SMIM35: variants seen among roughly 807,000 people sequenced by gnomAD.
The protein encoded by SMIM35 is TMPRSS4 antisense RNA 1 (non-protein coding).
chr11:118,035,634 C>T (rs1466981437), intron 1 of SMIM35, among the ~76,000 whole-genome samples: 1 of 152,146 alleles, frequency 6.6e-6, no homozygotes, highest in Non-Finnish European at 1.5e-5. Context: ...GCCAGTCTGC[C>T]CTCCTCAGGT....
At chr11:118,037,900 G>A (rs1004479185) in intron 1 of SMIM35, among the ~76,000 whole-genome samples, 1 of 152,208 alleles carries the variant, frequency 6.6e-6, no homozygotes, top group African/African-American at 2.4e-5. Flanking sequence ...GGCACACCGA[G>A]TGGCTGCATT....
intron 1 of SMIM35, among the ~76,000 whole-genome samples, chr11:118,038,143 C>T (rs927912320): frequency 5.9e-5 from 9 of 152,154 alleles, no homozygotes; most frequent in South Asian, 2.1e-4. Context: ...AGTGAAAAGT[C>T]GTGTGTCAGA....
intron 1 of SMIM35, among the ~76,000 whole-genome samples, chr11:118,041,560 A>G (rs546057555): frequency 6.6e-6 from 1 of 152,350 alleles, no homozygotes; most frequent in East Asian, 1.9e-4. Flanking sequence ...TACGACCTAT[A>G]ACCAATGGAT....
intron 4 of SMIM35, among the ~76,000 whole-genome samples, chr11:118,007,879 T>C (rs1244100968): frequency 6.6e-6 from 1 of 151,784 alleles, no homozygotes; most frequent in African/African-American, 2.4e-5. Flanking sequence ...GCTTTCTTTT[T>C]TTTTTTTTCT....
At chr11:118,074,160 G>A (rs1292646736) in intron 1 of SMIM35, among the ~76,000 whole-genome samples, 2 of 152,180 alleles carry the variant, frequency 1.3e-5, no homozygotes, top group Non-Finnish European at 2.9e-5. Context: ...CATATTGCCG[G>A]GCCCTTTCCC....
intron 4 of SMIM35, among the ~76,000 whole-genome samples, chr11:118,010,629 C>G (rs1189792039): frequency 6.6e-6 from 1 of 152,202 alleles, no homozygotes; most frequent in Non-Finnish European, 1.5e-5. Context: ...GGTGTCAAGT[C>G]TCAAGCCCTG....
At chr11:118,036,965 G>A (rs1267177846) in intron 1 of SMIM35, among the ~76,000 whole-genome samples, 2 of 152,080 alleles carry the variant, frequency 1.3e-5, no homozygotes, top group African/African-American at 4.8e-5. Flanking sequence ...TGCCTAATTA[G>A]CATTTTAGTG....
At chr11:118,076,632 G>T (rs143575081) in intron 1 of SMIM35, among the ~76,000 whole-genome samples, 69 of 152,086 alleles carry the variant, frequency 4.5e-4, no homozygotes, top group Non-Finnish European at 7.9e-4. Context: ...CCAGGGAAAG[G>T]GGGTACATCT....
At chr11:118,060,350 A>T (rs1011950931) in intron 1 of SMIM35, among the ~76,000 whole-genome samples, 2 of 151,946 alleles carry the variant, frequency 1.3e-5, no homozygotes, top group Non-Finnish European at 2.9e-5. Context: ...ACCCACTCCC[A>T]CCTCCCCACA....
rs1198910735 is a variant in SMIM35 at position 118,048,594 on chromosome 11, G to GAAGC, written c.8-32789_8-32786dup. ...GGAAGGAAGGAAGGAAGGAAGGAAG[G>GAAGC]AAGCAAGGAAGCAAGGAAGCAAGGA... On this transcript the variant is annotated intron_variant, in intron 1 of 4. Coordinates refer to ENST00000689828, the MANE Select transcript of SMIM35 (RefSeq NM_001394165.1). Among the ~76,000 whole-genome samples, 8 of 130,006 alleles carry GAAGC rather than the reference G, an allele frequency of 6.2e-5. No homozygotes were observed. In the South Asian group the frequency reaches 1.8e-3, roughly 29 times the overall value. 85.3% of individuals were successfully genotyped at this position (130,006 alleles called of 152,430 possible). A position where few individuals can be genotyped will look rare whatever the true frequency, so the allele number is the denominator to read the frequency against.
chr11:118,064,019 T>C (rs1944431050), intron 1 of SMIM35, among the ~76,000 whole-genome samples: 1 of 152,182 alleles, frequency 6.6e-6, no homozygotes. Flanking sequence ...GATTTGTAAC[T>C]GGTGGGAAGG....
chr11:118,043,889 A>AG (rs1944047240), intron 1 of SMIM35, among the ~76,000 whole-genome samples: 1 of 151,410 alleles, frequency 6.6e-6, no homozygotes, highest in African/African-American at 2.4e-5. Flanking sequence ...TCTTAGCTAA[A>AG]GGGTATGGGT....
chr11:118,067,371 A>G (rs1944492104), intron 1 of SMIM35: 2 of 152,164 alleles, frequency 1.3e-5, no homozygotes, highest in South Asian at 2.1e-4. Flanking sequence ...TTCAGCATCA[A>G]TATGGTGACC....
intron 4 of SMIM35, among the ~76,000 whole-genome samples, chr11:118,007,428 G>A (rs1170365832): frequency 6.6e-6 from 1 of 151,896 alleles, no homozygotes; most frequent in Admixed American, 6.6e-5. Flanking sequence ...ACTGAGACTC[G>A]CTCTGTTGCC....
chr11:118,061,751 C>T (rs1455464309), intron 1 of SMIM35, among the ~76,000 whole-genome samples: 7 of 152,076 alleles, frequency 4.6e-5, no homozygotes, highest in Non-Finnish European at 8.8e-5. Context: ...CACCCAGGAC[C>T]GCTCTTTGGT....
intron 4 of SMIM35, among the ~76,000 whole-genome samples, chr11:118,007,081 G>T (rs577468211): frequency 3.3e-5 from 5 of 152,230 alleles, no homozygotes; most frequent in Admixed American, 2.6e-4. Flanking sequence ...ACACACAGGG[G>T]TGTCTCCACC....
chr11:118,024,067 A>T (rs11216700), intron 1 of SMIM35, among the ~76,000 whole-genome samples: 8,602 of 151,954 alleles, frequency 0.057, 542 homozygotes, highest in East Asian at 0.35. Flanking sequence ...GGTGCAGGAC[A>T]ACTTCAAGCC....
intron 1 of SMIM35, among the ~76,000 whole-genome samples, chr11:118,071,367 T>C (rs1329131783): frequency 6.6e-6 from 1 of 152,240 alleles, no homozygotes; most frequent in Non-Finnish European, 1.5e-5. Context: ...TGAGACTAAA[T>C]GATGTCTTAG....
intron 1 of SMIM35, among the ~76,000 whole-genome samples, chr11:118,051,638 C>A (rs1944215079): frequency 6.6e-6 from 1 of 152,194 alleles, no homozygotes; most frequent in South Asian, 2.1e-4. Context: ...ACGGTGAGAA[C>A]TCTCACTACA....
Sources: allele counts gnomAD v4.1 joint callset (sites outside exome capture counted in the v4.1 genomes callset), GRCh38; gene constraint gnomAD v4.1.1; transcripts MANE v1.5; gene names NCBI Gene and HGNC (gene_info 2026-07-23, HGNC 2026-07-21).